The following CDH7 variants were observed in gnomAD, a reference collection of about 807,000 sequenced individuals.
CDH7 encodes the protein cadherin-7.
A neutral mutation model predicts 71.8 loss-of-function variants in CDH7; 25 were observed. The observed-to-expected ratio is 0.35, with a 90% CI of 0.25 to 0.49. The LOEUF (loss-of-function observed/expected upper bound fraction) is 0.49. CDH7 is among the 20% of genes least tolerant of loss of function. The pLI is 0.99. For synonymous variants in CDH7, 381 were observed against 363.8 expected, an observed-to-expected ratio of 1.05 and a Z score of -0.54; for missense variants, 862 against 974.6, an observed-to-expected ratio of 0.88 and a Z score of 1.54.
At chr18:65,876,492 C>A (rs548804561) in intron 11 of CDH7, among the ~76,000 whole-genome samples, 1 of 152,242 alleles carries the variant, frequency 6.6e-6, no homozygotes, top group East Asian at 1.9e-4. Context: ...CCTTACCTCA[C>A]CTCTTTCTTT....
At chr18:65,858,357 A>T (rs1364965910) in intron 8 of CDH7, among the ~76,000 whole-genome samples, 1 of 151,992 alleles carries the variant, frequency 6.6e-6, no homozygotes, top group Non-Finnish European at 1.5e-5. Context: ...AAAATAATAA[A>T]TAAAATAAAA....
intron 2 of CDH7, among the ~76,000 whole-genome samples, chr18:65,806,445 A>G (rs1363800145): frequency 6.6e-6 from 1 of 152,088 alleles, no homozygotes; most frequent in African/African-American, 2.4e-5. Flanking sequence ...CACATTTGCA[A>G]GGGTATCTGT....
chr18:65,781,950 C>A (rs1910266045), intron 2 of CDH7, among the ~76,000 whole-genome samples: 1 of 101,802 alleles, frequency 9.8e-6, no homozygotes, highest in African/African-American at 6.0e-5. Flanking sequence ...CTCTCTTTCT[C>A]TCTTTCTCTC....
intron 1 of CDH7, among the ~76,000 whole-genome samples, chr18:65,752,180 G>A (rs542963130): frequency 6.6e-6 from 1 of 152,302 alleles, no homozygotes; most frequent in Non-Finnish European, 1.5e-5. Context: ...TACTAGACAG[G>A]TGTTCAGATC....
intron 2 of CDH7, among the ~76,000 whole-genome samples, chr18:65,802,878 A>C (rs778709790): frequency 6.6e-6 from 1 of 152,146 alleles, no homozygotes; most frequent in Non-Finnish European, 1.5e-5. Context: ...GTCCCTGATG[A>C]AAAATCTGTG....
intron 2 of CDH7, among the ~76,000 whole-genome samples, chr18:65,771,832 T>A (rs8092224): frequency 6.6e-6 from 1 of 152,158 alleles, no homozygotes; most frequent in Non-Finnish European, 1.5e-5. Flanking sequence ...GAGAGCCAAA[T>A]GACATTGGGG....
chr18:65,807,301 T>C (rs147112864), intron 2 of CDH7, among the ~76,000 whole-genome samples: 4 of 152,278 alleles, frequency 2.6e-5, no homozygotes, highest in South Asian at 2.1e-4. Flanking sequence ...CAGGGCTTAC[T>C]GTGTGATTTT....
intron 7 of CDH7, among the ~76,000 whole-genome samples, chr18:65,849,985 G>A (rs1221494250): frequency 1.3e-5 from 2 of 151,324 alleles, no homozygotes; most frequent in South Asian, 2.1e-4. Context: ...CCCATGTGGT[G>A]AAGCCCTGTC....
intron 2 of CDH7, among the ~76,000 whole-genome samples, chr18:65,792,185 C>CTTTT (rs71167149): frequency 1.9e-5 from 2 of 104,116 alleles, no homozygotes; most frequent in Non-Finnish European, 3.9e-5. Flanking sequence ...TGCAGCCAGT[C>CTTTT]TTTTTTTTTT....
At chr18:65,859,359 C>A (rs943115079) in intron 9 of CDH7, among the ~76,000 whole-genome samples, 2 of 152,132 alleles carry the variant, frequency 1.3e-5, no homozygotes, top group African/African-American at 4.8e-5. Context: ...CTTACCCAAC[C>A]GGGTTTAAGT....
chr18:65,839,077 A>G (rs967113641), intron 6 of CDH7, among the ~76,000 whole-genome samples: 14 of 152,164 alleles, frequency 9.2e-5, no homozygotes, highest in Non-Finnish European at 1.8e-4. Context: ...ATACGTGATA[A>G]CATCATACAG....
At chr18:65,761,534 T>TAAA (rs1916191991) in intron 1 of CDH7, among the ~76,000 whole-genome samples, 1 of 100,510 alleles carries the variant, frequency 9.9e-6, no homozygotes, top group African/African-American at 4.6e-5. Context: ...CTCCTCTTCC[T>TAAA]CAAAAAAAAA....
rs1911459504 is a variant in CDH7 at position 65,809,810 on chromosome 18, C to A, written c.317C>A (p.Ala106Asp). Residue 106 changes from alanine (A) to aspartate (D), a missense_variant, in exon 3 of 12, where the codon GCC (alanine) becomes GAC (aspartate). By Grantham distance (126) the Ala-to-Asp change is moderately radical (BLOSUM62 -2). Coordinates refer to ENST00000397968, the MANE Select transcript of CDH7 (RefSeq NM_004361.5). The part of the protein sequence containing the change: ...IIDENTGDIH[A>D]TKRLDREEQA... ...GATGAGAACACTGGGGATATTCATG[C>A]CACCAAGAGACTGGATCGTGAGGAG... 6.2e-7 allele frequency: 1 copy of A among 1,613,898 alleles called. No individual in the cohort carries two copies. Among genetic ancestry groups the A allele is most frequent in the Non-Finnish European group, 8.5e-7 (1 of 1,179,942 alleles).
intron 11 of CDH7, among the ~76,000 whole-genome samples, chr18:65,870,544 T>C (rs959964877): frequency 3.3e-5 from 5 of 152,140 alleles, no homozygotes; most frequent in African/African-American, 1.2e-4. Flanking sequence ...AAGGCATGTT[T>C]GGCCACCTGC....
intron 7 of CDH7, among the ~76,000 whole-genome samples, chr18:65,851,856 G>A (rs1193980589): frequency 6.6e-6 from 1 of 152,192 alleles, no homozygotes; most frequent in Non-Finnish European, 1.5e-5. Flanking sequence ...TTAATCCTCA[G>A]TCTATGGTCC....
intron 6 of CDH7, among the ~76,000 whole-genome samples, chr18:65,832,074 T>C (rs1032561224): frequency 2.6e-5 from 4 of 152,170 alleles, no homozygotes; most frequent in African/African-American, 9.7e-5. Context: ...AATAAAGCTT[T>C]AATGTCCATC....
intron 2 of CDH7, among the ~76,000 whole-genome samples, chr18:65,806,954 G>A (rs1388071525): frequency 1.3e-5 from 2 of 152,090 alleles, no homozygotes; most frequent in African/African-American, 4.8e-5. Context: ...CAGTAACTTT[G>A]CAAAGACACT....
intron 2 of CDH7, chr18:65,803,698 G>A (rs1436379933): frequency 6.6e-6 from 1 of 151,690 alleles, no homozygotes; most frequent in African/African-American, 2.4e-5. Context: ...TGTATATTCA[G>A]GCATTTTTAC....
At chr18:65,775,230 G>A (rs546165033) in intron 2 of CDH7, among the ~76,000 whole-genome samples, 183 of 152,260 alleles carry the variant, frequency 1.2e-3, no homozygotes, top group Middle Eastern at 6.8e-3. Context: ...GTTTAGCCTA[G>A]TAGTTTTCAC....
Sources: gnomAD v4.1 joint callset for allele counts (sites outside exome capture counted in the v4.1 genomes callset) on GRCh38, gnomAD v4.1.1 for gene constraint, MANE v1.5 for transcripts, NCBI Gene and HGNC (gene_info 2026-07-23, HGNC 2026-07-21) for gene names.